Variants in AGBL1 observed in about 807,000 individuals in gnomAD.
The protein encoded by AGBL1 is cytosolic carboxypeptidase 4.
In AGBL1, 130 loss-of-function variants were observed where a neutral mutation model predicts 118.9. That is an observed-to-expected ratio of 1.09 (90% CI 0.95 to 1.26). AGBL1 has a LOEUF of 1.26. Among genes scored for constraint, AGBL1 ranks in the 50% most tolerant of loss-of-function variants. The probability of loss-of-function intolerance (pLI) is 0.00; values close to 1 mark genes in which losing one functional copy is unlikely to be tolerated. For missense variants in AGBL1, 1,584 were observed against 1,298.1 expected (o/e 1.22, Z -3.38); for synonymous variants, 555 against 478.9 (o/e 1.16, Z -2.08).
At chr15:86,630,293 G>T (rs769542133) in intron 21 of AGBL1, 2 of 152,208 alleles carry the variant, frequency 1.3e-5, no homozygotes, top group African/African-American at 4.8e-5. Context: ...CTGACAAAAA[G>T]AACCAGCCTG....
At chr15:86,196,856 A>G in intron 5 of AGBL1, among the ~76,000 whole-genome samples, 1 of 125,206 alleles carries the variant, frequency 8.0e-6, no homozygotes, top group South Asian at 2.8e-4. Flanking sequence ...TGCATATGCG[A>G]ATGTGCACAT....
intron 21 of AGBL1, among the ~76,000 whole-genome samples, chr15:86,597,591 A>C (rs1293821654): frequency 1.3e-5 from 2 of 152,154 alleles, no homozygotes; most frequent in African/African-American, 4.8e-5. Context: ...TACGTAATAG[A>C]ACTCAAGAGG....
rs144546948 is a variant in AGBL1, at chr15:86,688,704, C to T, written c.3158+14268C>T. 5.6e-3 allele frequency among the ~76,000 whole-genome samples: 848 copies of T among 152,166 alleles called. 9 individuals are homozygous for T. The highest frequency in any genetic ancestry group is 0.019 in the African/African-American group (792 of 41,516). On this transcript the variant is annotated intron_variant, in intron 22 of 22. Transcript: ENST00000614907. ...AAACCTGATTTTATTATAGCTTTAA[C>T]GAGGCGGGCACAATTGATACATAAT...
chr15:86,318,696 ATTTT>A (rs57988335), intron 17 of AGBL1, among the ~76,000 whole-genome samples: 9,199 of 82,028 alleles, frequency 0.11, 372 homozygotes, highest in Non-Finnish European at 0.14. Flanking sequence ...TTGATCATAG[ATTTT>A]TTTTTTTTTT....
At chr15:86,840,965 C>A (rs574505923) in intron 22 of AGBL1, among the ~76,000 whole-genome samples, 2 of 152,202 alleles carry the variant, frequency 1.3e-5, no homozygotes, top group East Asian at 3.9e-4. Context: ...CAGTCAAAAG[C>A]CCTATGCCAA....
In AGBL1 at chr15:86,267,055, G is replaced by A. The variant is rs759855721; in HGVS notation, c.1817G>A (p.Arg606His). The A allele has an allele frequency of 1.9e-5, 29 of 1,565,710 alleles. No individual in the cohort carries two copies. The highest frequency in any genetic ancestry group is 8.1e-5 in the African/African-American group (6 of 73,928). Residue 606 changes from arginine to histidine, a missense_variant, in exon 13 of 23, where the codon CGC becomes CAC. By Grantham distance (29) the Arg-to-His change is conservative. Coordinates refer to ENST00000614907, the MANE Select transcript of AGBL1 (RefSeq NM_001386094.1). The stretch of plus-strand genomic sequence containing the variant: ...TCCAAATTTGAGTCAGGAAATCTTC[G>A]CAAAGCCATCCAAGTGCGTGAGTAA... Reference protein sequence around the residue: ...FFSKFESGNLRKAIQVREFEY... With the variant: ...FFSKFESGNLHKAIQVREFEY...
At chr15:86,262,078 C>CTGTTTTTTTTTTT (rs2094009283) in intron 9 of AGBL1, among the ~76,000 whole-genome samples, 1 of 52,768 alleles carries the variant, frequency 1.9e-5, no homozygotes, top group Non-Finnish European at 3.6e-5. Flanking sequence ...GCATAGCTGG[C>CTGTTTTTTTTTTT]TTTTTTTTTT....
chr15:86,175,399 C>T (rs2077469839), intron 5 of AGBL1, among the ~76,000 whole-genome samples: 1 of 151,986 alleles, frequency 6.6e-6, no homozygotes, highest in Admixed American at 6.6e-5. Flanking sequence ...TTTGGGTCTT[C>T]TCTCTTTTTT....
chr15:86,901,426 G>T (rs867276779), intron 22 of AGBL1, among the ~76,000 whole-genome samples: 1 of 151,878 alleles, frequency 6.6e-6, no homozygotes, highest in Non-Finnish European at 1.5e-5. Context: ...TGTTGCAGGT[G>T]CTCTATTTGA....
At chr15:86,961,216 CA>C (rs2080989423) in intron 23 of AGBL1, among the ~76,000 whole-genome samples, 2 of 151,912 alleles carry the variant, frequency 1.3e-5, no homozygotes, top group Non-Finnish European at 2.9e-5. Flanking sequence ...TAAATGTTTA[CA>C]ATTTTTGTCA....
intron 18 of AGBL1, among the ~76,000 whole-genome samples, chr15:86,483,630 G>A (rs1481386011): frequency 2.0e-5 from 3 of 151,998 alleles, no homozygotes; most frequent in East Asian, 1.9e-4. Context: ...AAGGAGGCAG[G>A]GGGAAAAGTT....
chr15:86,319,597 GTCTGTT>G (rs2080071661), intron 17 of AGBL1, among the ~76,000 whole-genome samples: 1 of 151,870 alleles, frequency 6.6e-6, no homozygotes, highest in African/African-American at 2.4e-5. Context: ...ATAGACGTGG[GTCTGTT>G]TCTGTTATTT....
chr15:86,594,568 G>A (rs1029730487), intron 21 of AGBL1, among the ~76,000 whole-genome samples: 6 of 152,058 alleles, frequency 3.9e-5, no homozygotes, highest in African/African-American at 1.4e-4. Context: ...AATGATATAA[G>A]GCTATTGGTC....
rs532871871 is a variant in AGBL1 at position 86,671,837 on chromosome 15, T to C, written c.2995-2436T>C. Among the ~76,000 whole-genome samples, 11 of 152,340 alleles carry C rather than the reference T, an allele frequency of 7.2e-5. 1 individual carries two copies. Among genetic ancestry groups the C allele is most frequent in the African/African-American group, 2.6e-4 (11 of 41,588 alleles). ...CATTTAGAGTCGCTATTTACCCATT[T>C]ATCACATACTGAGGATATGACATTT... is the stretch of plus-strand genomic sequence containing the variant. On this transcript the variant is annotated intron_variant, in intron 21 of 22. Coordinates refer to ENST00000614907, the MANE Select transcript of AGBL1 (RefSeq NM_001386094.1).
At chr15:86,227,219 G>A (rs2078380140) in intron 6 of AGBL1, among the ~76,000 whole-genome samples, 1 of 152,204 alleles carries the variant, frequency 6.6e-6, no homozygotes, top group Non-Finnish European at 1.5e-5. Flanking sequence ...GTGGAGAACT[G>A]CAATAGCTTG....
At chr15:86,848,731 G>A (rs1405745854) in intron 22 of AGBL1, among the ~76,000 whole-genome samples, 1 of 152,140 alleles carries the variant, frequency 6.6e-6, no homozygotes, top group Non-Finnish European at 1.5e-5. Context: ...GAAAAACAGT[G>A]AGACAAAGCA....
intron 18 of AGBL1, among the ~76,000 whole-genome samples, chr15:86,438,743 C>A (rs2142050515): frequency 6.6e-6 from 1 of 150,936 alleles, no homozygotes; most frequent in Admixed American, 6.6e-5. Flanking sequence ...CTTACTGCAA[C>A]CTCTGTCTCC....
At chr15:86,695,810 T>C (rs905961513) in intron 22 of AGBL1, among the ~76,000 whole-genome samples, 3 of 152,014 alleles carry the variant, frequency 2.0e-5, no homozygotes, top group African/African-American at 7.2e-5. Flanking sequence ...TATTGTTCAG[T>C]TCAAATAACT....
chr15:86,597,766 C>T (rs558001463), intron 21 of AGBL1, among the ~76,000 whole-genome samples: 1 of 152,120 alleles, frequency 6.6e-6, no homozygotes, highest in African/African-American at 2.4e-5. Flanking sequence ...ATTTGGAAAG[C>T]TTTATAAGTG....
Sources: gnomAD v4.1 joint callset for allele counts (sites outside exome capture counted in the v4.1 genomes callset) on GRCh38, gnomAD v4.1.1 for gene constraint, MANE v1.5 for transcripts, NCBI Gene and HGNC (gene_info 2026-07-23, HGNC 2026-07-21) for gene names.